CMTM8: variants seen among roughly 807,000 people sequenced by gnomAD.
CMTM8 encodes the protein CKLF-like MARVEL transmembrane domain-containing protein 8.
Under a neutral mutation model 18.6 loss-of-function variants are expected in CMTM8, and 12 were observed. That is an observed-to-expected ratio of 0.65 (90% confidence interval 0.41 to 1.05). The LOEUF (loss-of-function observed/expected upper bound fraction) is 1.05, where lower values mean the gene tolerates loss of function less well. CMTM8 is among the 50% of genes least tolerant of loss of function. CMTM8 has a pLI of 0.00. For missense variants in CMTM8, 217 were observed against 227.2 expected (o/e 0.95, Z 0.29); for synonymous variants, 87 against 90.6 (o/e 0.96, Z 0.23).
At chr3:32,293,875 A>T in intron 1 of CMTM8, among the ~76,000 whole-genome samples, 1 of 152,164 alleles carries the variant, frequency 6.6e-6, no homozygotes, top group Middle Eastern at 3.2e-3. Flanking sequence ...TCTGTGAGTA[A>T]GCCTGTTCAT....
chr3:32,307,296 G>A lies in CMTM8; in HGVS notation c.148-50077G>A, dbSNP rs988454486. Among the ~76,000 whole-genome samples, 9 of 152,198 alleles carry A rather than the reference G, an allele frequency of 5.9e-5. No homozygotes were observed. The South Asian group carries it at 6.2e-4, about 11-fold the overall frequency. ...TAGAGGTTTTCAGTGAGCTGAGATC[G>A]CACCACTGCACTCCAGCCTGACCGA... On this transcript the variant is annotated intron_variant, in intron 1 of 3. Transcript: ENST00000307526.
chr3:32,332,707 TG>T (rs1341114410), intron 1 of CMTM8, among the ~76,000 whole-genome samples: 1 of 152,140 alleles, frequency 6.6e-6, no homozygotes, highest in East Asian at 1.9e-4. Context: ...ATGGGGCCTC[TG>T]GGGGCCTCCT....
chr3:32,262,177 C>T (rs1286099985), intron 1 of CMTM8, among the ~76,000 whole-genome samples: 2 of 152,164 alleles, frequency 1.3e-5, no homozygotes, highest in Admixed American at 6.5e-5. Context: ...TGACTTGCCT[C>T]TCAACACCAC....
intron 1 of CMTM8, among the ~76,000 whole-genome samples, chr3:32,301,109 C>A (rs1695604832): frequency 6.6e-6 from 1 of 152,054 alleles, no homozygotes; most frequent in Non-Finnish European, 1.5e-5. Context: ...TTTCTTATGG[C>A]AGAAAAGGAG....
chr3:32,329,535 T>C (rs1228774106), intron 1 of CMTM8, among the ~76,000 whole-genome samples: 1 of 152,190 alleles, frequency 6.6e-6, no homozygotes, highest in African/African-American at 2.4e-5. Flanking sequence ...ATCATCTCAA[T>C]TGATGCAGAA....
In CMTM8 at chr3:32,314,349, T is replaced by C. The variant is rs1695879235; in HGVS notation, c.148-43024T>C. Among the ~76,000 whole-genome samples the C allele has an allele frequency of 2.6e-5, 4 of 152,170 alleles. No homozygotes were observed. In the South Asian group the frequency reaches 8.3e-4, roughly 32 times the overall value. ...AGGAGTGCTGGAAGCTCCTGACCAG[T>C]GGCTGCTCTGCAGAAATTGAGGGAG... On this transcript the variant is annotated intron_variant, in intron 1 of 3. Transcript: ENST00000307526.
chr3:32,299,464 C>A (rs1445251525), intron 1 of CMTM8, among the ~76,000 whole-genome samples: 1 of 152,082 alleles, frequency 6.6e-6, no homozygotes. Flanking sequence ...GGTATTAGGT[C>A]ATTTTTAAGA....
intron 1 of CMTM8, among the ~76,000 whole-genome samples, chr3:32,289,239 A>C (rs1055394994): frequency 6.6e-6 from 1 of 152,220 alleles, no homozygotes; most frequent in Non-Finnish European, 1.5e-5. Context: ...TCTGAATTTT[A>C]ATTTAAAATC....
intron 2 of CMTM8, among the ~76,000 whole-genome samples, chr3:32,361,289 T>TTTTTTTTG (rs200857947): frequency 2.8e-5 from 4 of 143,642 alleles, no homozygotes; most frequent in African/African-American, 7.8e-5. Flanking sequence ...CCTAAGAGTT[T>TTTTTTTTG]TTTTTTCTTT....
intron 1 of CMTM8, among the ~76,000 whole-genome samples, chr3:32,261,002 G>A (rs1702249427): frequency 6.6e-6 from 1 of 152,024 alleles, no homozygotes; most frequent in East Asian, 1.9e-4. Flanking sequence ...TCAGAGGATT[G>A]CTTGAGGCCA....
intron 1 of CMTM8, among the ~76,000 whole-genome samples, chr3:32,346,902 C>A (rs1192053759): frequency 6.6e-6 from 1 of 151,624 alleles, no homozygotes; most frequent in Non-Finnish European, 1.5e-5. Context: ...CTCATTGCAA[C>A]CTCAACCTCC....
At chr3:32,245,347 G>T (rs562353297) in intron 1 of CMTM8, among the ~76,000 whole-genome samples, 22 of 152,314 alleles carry the variant, frequency 1.4e-4, no homozygotes, top group African/African-American at 5.3e-4. Flanking sequence ...CTGGTTTTGG[G>T]GGTGAGTGGT....
intron 1 of CMTM8, among the ~76,000 whole-genome samples, chr3:32,270,221 C>T (rs1702416268): frequency 1.3e-5 from 2 of 152,252 alleles, no homozygotes; most frequent in South Asian, 4.1e-4. Flanking sequence ...TGTGCCTGGC[C>T]TAGAATTTAA....
intron 1 of CMTM8, among the ~76,000 whole-genome samples, chr3:32,241,988 C>T (rs1031505289): frequency 6.6e-6 from 1 of 152,212 alleles, no homozygotes; most frequent in South Asian, 2.1e-4. Flanking sequence ...CATGACTGGC[C>T]TCTCTGGGAG....
intron 1 of CMTM8, among the ~76,000 whole-genome samples, chr3:32,312,299 A>C (rs756085443): frequency 8.6e-5 from 13 of 152,042 alleles, no homozygotes; most frequent in Non-Finnish European, 1.5e-4. Context: ...CTCAGATAAA[A>C]AGTTTCTTTT....
chr3:32,324,881 G>A (rs1364051094), intron 1 of CMTM8, among the ~76,000 whole-genome samples: 1 of 152,236 alleles, frequency 6.6e-6, no homozygotes, highest in East Asian at 1.9e-4. Flanking sequence ...AGAGGCAATC[G>A]TGGAAAAGTA....
intron 1 of CMTM8, among the ~76,000 whole-genome samples, chr3:32,338,116 T>C (rs1559383602): frequency 6.6e-6 from 1 of 151,830 alleles, no homozygotes; most frequent in Non-Finnish European, 1.5e-5. Flanking sequence ...CCTGAGTAGC[T>C]AGGACTACAG....
chr3:32,292,072 T>C (rs560860001), intron 1 of CMTM8, among the ~76,000 whole-genome samples: 18 of 152,320 alleles, frequency 1.2e-4, no homozygotes, highest in African/African-American at 4.3e-4. Flanking sequence ...ACCTTGTGGT[T>C]TGAGTTTTAA....
At chr3:32,267,532 T>C (rs943580086) in intron 1 of CMTM8, among the ~76,000 whole-genome samples, 55 of 152,308 alleles carry the variant, frequency 3.6e-4, no homozygotes, top group African/African-American at 1.3e-3. Flanking sequence ...ATTCAGGACA[T>C]AGGCATGGGC....
Sources: allele counts gnomAD v4.1 joint callset (sites outside exome capture counted in the v4.1 genomes callset), GRCh38; gene constraint gnomAD v4.1.1; transcripts MANE v1.5; gene names NCBI Gene and HGNC (gene_info 2026-07-23, HGNC 2026-07-21).